THSD4: variants seen among roughly 807,000 people sequenced by gnomAD.
THSD4 encodes thrombospondin type 1 domain containing 4.
Under a neutral mutation model 119.0 loss-of-function variants are expected in THSD4, and 69 were observed. The ratio of observed to expected loss-of-function variants is 0.58; its 90% CI spans 0.48 to 0.71. THSD4 has a LOEUF of 0.71. Ranked by LOEUF, THSD4 falls within the 30% of genes least tolerant of loss-of-function variation. The probability of loss-of-function intolerance (pLI) is 0.00; values close to 1 mark genes in which losing one functional copy is unlikely to be tolerated. For missense variants in THSD4, 1,393 were observed against 1,391.1 expected (o/e 1.00, Z -0.02); for synonymous variants, 524 against 540.4 (o/e 0.97, Z 0.42).
chr15:71,144,950 A>C (rs2040642347), intron 2 of THSD4, among the ~76,000 whole-genome samples: 1 of 152,148 alleles, frequency 6.6e-6, no homozygotes, highest in African/African-American at 2.4e-5. Context: ...TAGAAAGGAA[A>C]TGGCACTAAA....
intron 7 of THSD4, among the ~76,000 whole-genome samples, chr15:71,648,510 A>G (rs567194546): frequency 1.2e-3 from 189 of 152,358 alleles, no homozygotes; most frequent in Non-Finnish European, 2.3e-3. Context: ...CTACCAAAAG[A>G]AAGCATTTTC....
intron 8 of THSD4, among the ~76,000 whole-genome samples, chr15:71,719,431 G>C (rs978394702): frequency 5.3e-5 from 8 of 152,044 alleles, no homozygotes; most frequent in Non-Finnish European, 1.0e-4. Context: ...AACTAGACTT[G>C]GTCTACCTAA....
At chr15:71,751,460 G>A (rs914989610) in intron 14 of THSD4, among the ~76,000 whole-genome samples, 1 of 151,932 alleles carries the variant, frequency 6.6e-6, no homozygotes, top group African/African-American at 2.4e-5. Context: ...TACCTACATA[G>A]CTTTTTTTCC....
At chr15:71,220,681 A>G (rs2043968156) in intron 4 of THSD4, among the ~76,000 whole-genome samples, 1 of 152,196 alleles carries the variant, frequency 6.6e-6, no homozygotes, top group South Asian at 2.1e-4. Flanking sequence ...ATAGTGTGTT[A>G]GAGAGAGTAC....
At chr15:71,149,491 C>T (rs766454742) in intron 2 of THSD4, among the ~76,000 whole-genome samples, 9 of 152,148 alleles carry the variant, frequency 5.9e-5, no homozygotes, top group African/African-American at 1.7e-4. Context: ...TCAAGTGATC[C>T]GCCTGCCTCG....
chr15:71,696,355 C>G (rs1377451992), intron 8 of THSD4, among the ~76,000 whole-genome samples: 1 of 152,132 alleles, frequency 6.6e-6, no homozygotes, highest in African/African-American at 2.4e-5. Context: ...CTTTTGGGAA[C>G]TAACCCCTTT....
At chr15:71,394,851 A>C (rs554610561) in intron 6 of THSD4, among the ~76,000 whole-genome samples, 1 of 152,312 alleles carries the variant, frequency 6.6e-6, no homozygotes, top group South Asian at 2.1e-4. Context: ...TAATAAAATT[A>C]ATGTGAGTCC....
At chr15:71,515,312 G>A (rs1319304315) in intron 7 of THSD4, among the ~76,000 whole-genome samples, 1 of 152,086 alleles carries the variant, frequency 6.6e-6, no homozygotes, top group Non-Finnish European at 1.5e-5. Flanking sequence ...ATTCCCTTTT[G>A]GATTCTGCTA....
At chr15:71,464,123 G>A (rs1021434157) in intron 7 of THSD4, among the ~76,000 whole-genome samples, 1 of 152,094 alleles carries the variant, frequency 6.6e-6, no homozygotes, top group Admixed American at 6.5e-5. Flanking sequence ...ATTTGTTTTG[G>A]CTCCATGCCA....
Position 71,775,089 on chromosome 15 carries a change from T to C in THSD4, c.2915-2143T>C, listed in dbSNP as rs893099269. ...TGAACCCGGGAGGCGGAGGTTGCGG[T>C]GAGCCGATATCATGCCATTGCACTC... On this transcript the variant is annotated intron_variant, in intron 17 of 17. Coordinates refer to ENST00000261862, the MANE Select transcript of THSD4 (RefSeq NM_024817.3). Among the ~76,000 whole-genome samples, 11 of 151,898 alleles carry C rather than the reference T, an allele frequency of 7.2e-5. No individual in the cohort carries two copies. The South Asian group carries it at 2.3e-3, about 32-fold the overall frequency.
At chr15:71,379,500 C>T (rs1345359366) in intron 6 of THSD4, among the ~76,000 whole-genome samples, 2 of 133,476 alleles carry the variant, frequency 1.5e-5, no homozygotes, top group Non-Finnish European at 3.1e-5. Flanking sequence ...GCTCTATCGC[C>T]CAGGCTGGAG....
intron 6 of THSD4, among the ~76,000 whole-genome samples, chr15:71,382,333 T>C (rs772008086): frequency 2.6e-5 from 4 of 152,204 alleles, no homozygotes; most frequent in Non-Finnish European, 5.9e-5. Context: ...AAGAAAACGT[T>C]CTTCTTTTAA....
intron 6 of THSD4, among the ~76,000 whole-genome samples, chr15:71,324,671 G>T (rs772981273): frequency 6.6e-6 from 1 of 152,116 alleles, no homozygotes; most frequent in Non-Finnish European, 1.5e-5. Flanking sequence ...ACTATTCCGT[G>T]GTGTATATAT....
At chr15:71,323,869 T>C (rs1371576384) in intron 6 of THSD4, among the ~76,000 whole-genome samples, 1 of 152,228 alleles carries the variant, frequency 6.6e-6, no homozygotes, top group Non-Finnish European at 1.5e-5. Context: ...GCTACTATTA[T>C]GGTTTCCATG....
At chr15:71,431,705 C>T (rs922445638) in intron 7 of THSD4, among the ~76,000 whole-genome samples, 2 of 151,330 alleles carry the variant, frequency 1.3e-5, no homozygotes, top group Non-Finnish European at 2.9e-5. Context: ...CAAGACAGGT[C>T]GATATCTACA....
intron 7 of THSD4, among the ~76,000 whole-genome samples, chr15:71,619,993 G>A (rs1272528461): frequency 1.3e-5 from 2 of 152,194 alleles, no homozygotes; most frequent in African/African-American, 4.8e-5. Context: ...AGAAATTCAG[G>A]TGTAGTCCTA....
intron 7 of THSD4, among the ~76,000 whole-genome samples, chr15:71,478,860 A>T (rs548560777): frequency 6.6e-6 from 1 of 152,318 alleles, no homozygotes; most frequent in African/African-American, 2.4e-5. Context: ...GGCTTCCCTA[A>T]TGGGCCATTA....
At chr15:71,269,019 A>G (rs1331513317) in intron 6 of THSD4, among the ~76,000 whole-genome samples, 1 of 152,194 alleles carries the variant, frequency 6.6e-6, no homozygotes, top group Non-Finnish European at 1.5e-5. Flanking sequence ...TTCACAGGCA[A>G]ATTCTACCAG....
chr15:71,447,118 G>GTTTTTTTTTTTTTTTTTTTTTTTTTTTTT (rs1555414736), intron 7 of THSD4, among the ~76,000 whole-genome samples: 1 of 76,070 alleles, frequency 1.3e-5, no homozygotes, highest in African/African-American at 4.7e-5. Flanking sequence ...CATTTTTTTT[G>GTTTTTTTTTTTTTTTTTTTTTTTTTTTTT]TTTTTTTTTT....
Sources: gnomAD v4.1 joint callset for allele counts (sites outside exome capture counted in the v4.1 genomes callset) on GRCh38, gnomAD v4.1.1 for gene constraint, MANE v1.5 for transcripts, NCBI Gene and HGNC (gene_info 2026-07-23, HGNC 2026-07-21) for gene names.